Variants in TTC17 observed in about 807,000 individuals in gnomAD.
TTC17 encodes tetratricopeptide repeat domain 17.
In TTC17, 58 loss-of-function variants were observed where a neutral mutation model predicts 143.8. That is an observed-to-expected ratio of 0.40 (90% CI 0.33 to 0.50). TTC17 has a LOEUF of 0.50. Ranked by LOEUF, TTC17 falls within the 20% of genes least tolerant of loss-of-function variation. The probability of loss-of-function intolerance (pLI) is 0.49; values close to 1 mark genes in which losing one functional copy is unlikely to be tolerated. For missense variants in TTC17, 1,273 were observed against 1,392.5 expected (o/e 0.91, Z 1.37); for synonymous variants, 501 against 497.8 (o/e 1.01, Z -0.09).
intron 16 of TTC17, among the ~76,000 whole-genome samples, chr11:43,427,964 A>G (rs1947068454): frequency 6.6e-6 from 1 of 152,192 alleles, no homozygotes; most frequent in African/African-American, 2.4e-5. Flanking sequence ...GTATCCACCC[A>G]AAGTTTGCCC....
At chr11:43,375,517 T>C (rs1277854870) in intron 1 of TTC17, among the ~76,000 whole-genome samples, 1 of 152,178 alleles carries the variant, frequency 6.6e-6, no homozygotes, top group Non-Finnish European at 1.5e-5. Context: ...GTCCCTAGTT[T>C]CTAACTTAAG....
Position 43,402,228 on chromosome 11 carries a change from G to A in TTC17, c.1332+670G>A, listed in dbSNP as rs185849026. Among the ~76,000 whole-genome samples the A allele has an allele frequency of 2.9e-3, 438 of 152,064 alleles. 3 individuals are homozygous for A. Among genetic ancestry groups the A allele is most frequent in the African/African-American group, 0.01 (419 of 41,470 alleles). ...GGCTATTATTATTATTGAACTCAAA[G>A]CTTTCATCTCCCCACTTTCCCTTTT... On this transcript the variant is annotated intron_variant, in intron 10 of 23. Transcript: ENST00000039989.
rs1857407188 is a variant in TTC17 at position 43,391,969 on chromosome 11, T to A, written c.663+17T>A. The A allele has an allele frequency of 1.3e-6, 2 of 1,591,744 alleles. No individual in the cohort carries two copies. Among genetic ancestry groups the A allele is most frequent in the Non-Finnish European group, 8.5e-7 (1 of 1,173,544 alleles). ...CTACAGAAGGTAAGTCATCAGTCAC[T>A]TAAAGAGCCAGCGGGCTGAGCCAGC... is the stretch of plus-strand genomic sequence containing the variant. On this transcript the variant is annotated intron_variant, in intron 5 of 23. Transcript: ENST00000039989.
chr11:43,359,471 C>A (rs1856006831), intron 1 of TTC17, among the ~76,000 whole-genome samples: 1 of 152,186 alleles, frequency 6.6e-6, no homozygotes, highest in Admixed American at 6.5e-5. Context: ...CTCGGGTTCA[C>A]GCGTCACCGG....
intron 16 of TTC17, among the ~76,000 whole-genome samples, chr11:43,429,648 T>C (rs978254480): frequency 6.6e-5 from 10 of 152,254 alleles, no homozygotes; most frequent in Admixed American, 4.6e-4. Flanking sequence ...GCTTAAATTA[T>C]AATAAAAGGA....
At chr11:43,360,458 G>A (rs1425099349) in intron 1 of TTC17, among the ~76,000 whole-genome samples, 1 of 152,156 alleles carries the variant, frequency 6.6e-6, no homozygotes, top group Non-Finnish European at 1.5e-5. Context: ...TTTCTTGATA[G>A]TGGTTTTCCC....
In TTC17 at chr11:43,402,617, T is replaced by C. The variant is rs565788707; in HGVS notation, c.1332+1059T>C. On this transcript the variant is annotated intron_variant, in intron 10 of 23. Transcript: ENST00000039989. ...CTCTGAAACTTTTTGAGCACTGACA[T>C]GATGCTCAAAAGAAATGATCATTGG... Among the ~76,000 whole-genome samples, 5 of 152,218 alleles carry C rather than the reference T, an allele frequency of 3.3e-5. No homozygotes were observed. In the South Asian group the frequency reaches 1.0e-3, roughly 32 times the overall value.
intron 1 of TTC17, among the ~76,000 whole-genome samples, chr11:43,362,157 G>C (rs1423160605): frequency 8.6e-6 from 1 of 116,592 alleles, no homozygotes; most frequent in Admixed American, 1.2e-4. Flanking sequence ...ATTTGTGTGT[G>C]TGTGTGTGTG....
At chr11:43,408,934 G>A (rs910673893) in intron 15 of TTC17, among the ~76,000 whole-genome samples, 6 of 151,764 alleles carry the variant, frequency 4.0e-5, no homozygotes, top group African/African-American at 1.5e-4. Flanking sequence ...GTAGAGATGG[G>A]GTTTCACCAT....
At chr11:43,476,039 G>T (rs1948178511) in intron 21 of TTC17, among the ~76,000 whole-genome samples, 1 of 152,140 alleles carries the variant, frequency 6.6e-6, no homozygotes, top group Non-Finnish European at 1.5e-5. Context: ...AGCTTTATTT[G>T]CTGAAAAAAC....
chr11:43,423,748 C>A (rs75034453), intron 16 of TTC17, among the ~76,000 whole-genome samples: 1 of 152,134 alleles, frequency 6.6e-6, no homozygotes, highest in Admixed American at 6.5e-5. Flanking sequence ...TAAAGAAAAA[C>A]ATTATGTTAA....
chr11:43,451,064 C>T, intron 20 of TTC17, 118 bp from the exon 21 acceptor site: 2 of 862,212 alleles, frequency 2.3e-6, no homozygotes, highest in Non-Finnish European at 3.6e-6. Context: ...AGGACCACAG[C>T]ATGTATCCCA....
chr11:43,438,041 A>G (rs576708354), intron 16 of TTC17, among the ~76,000 whole-genome samples: 1 of 152,306 alleles, frequency 6.6e-6, no homozygotes, highest in African/African-American at 2.4e-5. Flanking sequence ...TTGAAATTTT[A>G]TGTCATTGTT....
Position 43,444,089 on chromosome 11 carries a change from A to G in TTC17, c.2545A>G (p.Lys849Glu). 2 of 1,613,220 alleles carry G rather than the reference A, an allele frequency of 1.2e-6. No homozygotes were observed. Among genetic ancestry groups the G allele is most frequent in the Non-Finnish European group, 1.7e-6 (2 of 1,179,686 alleles). ...TFQVKRVKKP[K>E]GDHKKTPGKK... Reference sequence around the variant, plus strand: ...CCAGGTCAAACGTGTAAAGAAACCCAAAGGAGATCATAAGAAAACTCCTGG... The same window carrying G: ...CCAGGTCAAACGTGTAAAGAAACCCGAAGGAGATCATAAGAAAACTCCTGG... The change falls in exon 18 of 24, where the codon AAA becomes GAA. Residue 849 changes from lysine (K) to glutamate (E), a missense_variant. Lys to Glu is a moderately conservative substitution (Grantham distance 56). Transcript: ENST00000039989.
At chr11:43,422,840 G>A (rs1946938938) in intron 16 of TTC17, among the ~76,000 whole-genome samples, 1 of 152,180 alleles carries the variant, frequency 6.6e-6, no homozygotes, top group Non-Finnish European at 1.5e-5. Context: ...TTTTGCTATA[G>A]TGAAGAGCAG....
At chr11:43,431,128 T>G (rs1341898088) in intron 16 of TTC17, among the ~76,000 whole-genome samples, 1 of 152,224 alleles carries the variant, frequency 6.6e-6, no homozygotes. Flanking sequence ...CTGCATAGTA[T>G]TCCATGGTGT....
At chr11:43,415,427 AAAAAT>A (rs1438296785) in intron 16 of TTC17, among the ~76,000 whole-genome samples, 1 of 152,202 alleles carries the variant, frequency 6.6e-6, no homozygotes, top group Non-Finnish European at 1.5e-5. Flanking sequence ...CACTATAAGA[AAAAAT>A]AAAATCGTGA....
At chr11:43,437,083 C>G (rs1694174896) in intron 16 of TTC17, among the ~76,000 whole-genome samples, 1 of 152,172 alleles carries the variant, frequency 6.6e-6, no homozygotes, top group African/African-American at 2.4e-5. Context: ...AAGACATTCT[C>G]TACAACTCCA....
intron 1 of TTC17, among the ~76,000 whole-genome samples, chr11:43,365,357 C>T (rs1856291692): frequency 6.6e-6 from 1 of 152,114 alleles, no homozygotes; most frequent in African/African-American, 2.4e-5. Context: ...TAAACTTGAA[C>T]TCTTGGGCTC....
Sources: gnomAD v4.1 joint callset for allele counts (sites outside exome capture counted in the v4.1 genomes callset) on GRCh38, gnomAD v4.1.1 for gene constraint, MANE v1.5 for transcripts, NCBI Gene and HGNC (gene_info 2026-07-23, HGNC 2026-07-21) for gene names.